Variants in ADAM11 observed in about 807,000 individuals in gnomAD.
ADAM11 encodes the protein ADAM metallopeptidase domain 11.
ADAM11 carries 49 observed loss-of-function variants against 119.1 expected under a neutral mutation model. The observed-to-expected ratio is 0.41, with a 90% CI of 0.33 to 0.52. The LOEUF (loss-of-function observed/expected upper bound fraction) is 0.52, where lower values mean the gene tolerates loss of function less well. Ranked by LOEUF, ADAM11 falls within the 20% of genes least tolerant of loss-of-function variation. The probability of loss-of-function intolerance (pLI) is 0.20; values close to 1 mark genes in which losing one functional copy is unlikely to be tolerated. For synonymous variants in ADAM11, 364 were observed against 408.0 expected (o/e 0.89, Z 1.30); for missense variants, 777 against 1,047.5 (o/e 0.74, Z 3.56).
At position 44,777,446 on chromosome 17, in the gene ADAM11, A is replaced by C. The variant is rs1262129675; in HGVS notation, c.1782-36A>C. ...GAGTTCAGTAGTTGAGTCTGAGGTC[A>C]AACTTGGGGCTCACTGTCTCTATAT... On this transcript the variant is annotated intron_variant, in intron 21 of 26. Transcript: ENST00000200557. This position sits in a 1 kb window ranked among gnomAD's most constrained non-coding sequence, Gnocchi z 5.1. 5 of 1,608,426 alleles carry C rather than the reference A, an allele frequency of 3.1e-6. No homozygotes were observed. Among genetic ancestry groups the C allele is most frequent in the Non-Finnish European group, 4.3e-6 (5 of 1,175,234 alleles).
chr17:44,776,889 G>T lies in ADAM11; in HGVS notation c.1618-10G>T. 6.2e-7 allele frequency: 1 copy of T among 1,613,510 alleles called. No homozygotes were observed. Among genetic ancestry groups the T allele is most frequent in the Non-Finnish European group, 8.5e-7 (1 of 1,179,512 alleles). On this transcript the variant is annotated splice_polypyrimidine_tract_variant and intron_variant, in intron 19 of 26. Coordinates refer to ENST00000200557, the MANE Select transcript of ADAM11 (RefSeq NM_002390.6). This position sits in a 1 kb window ranked among gnomAD's most constrained non-coding sequence, Gnocchi z 5.2. ...CTCCATCCCTTGCCTCTTAATTCTT[G>T]GACTCTCAGGGCCGCTGCTACGGAG...
intron 25 of ADAM11, 149 bp from the exon 26 acceptor site, chr17:44,779,073 C>A: frequency 1.0e-6 from 1 of 989,420 alleles, no homozygotes; most frequent in Non-Finnish European, 1.5e-6. Flanking sequence ...GGTAATTCTC[C>A]CTGGCCCTTA....
rs957589811 is a variant in ADAM11, at chr17:44,775,562, C to G, written c.1393-22C>G. The G allele has an allele frequency of 6.4e-7, 1 of 1,561,002 alleles. No homozygotes were observed. Among genetic ancestry groups the G allele is most frequent in the African/African-American group, 1.4e-5 (1 of 73,854 alleles). ...AGGATTAGGGCTCGCCCGCCTCCTT[C>G]CCCTCCTCCCGCGTCCCTCAGGAGT... On this transcript the variant is annotated intron_variant, in intron 16 of 26. Coordinates refer to ENST00000200557, the MANE Select transcript of ADAM11 (RefSeq NM_002390.6). This position sits in a 1 kb window ranked among gnomAD's most constrained non-coding sequence, Gnocchi z 7.5.
rs1439794244 is a variant in ADAM11, at chr17:44,780,787, G to A, written c.*1033G>A. 1 of 154,834 alleles carries A rather than the reference G, an allele frequency of 6.5e-6. No individual in the cohort carries two copies. Among genetic ancestry groups the A allele is most frequent in the Non-Finnish European group, 1.4e-5 (1 of 69,892 alleles). The allele number at this position is 154,834 out of a possible 1,614,324, so 9.6% of individuals were successfully genotyped here. On this transcript the variant is annotated 3_prime_UTR_variant, in exon 27 of 27. Transcript: ENST00000200557. ...GGATATGCAAGAGGAAGTAGGAAAG[G>A]GAGGTCTCATGGATGATCCTAGGCT... is the stretch of plus-strand genomic sequence containing the variant.
At chr17:44,769,448 C>T (rs1435641163) in intron 2 of ADAM11, among the ~76,000 whole-genome samples, 2 of 152,250 alleles carry the variant, frequency 1.3e-5, no homozygotes, top group Non-Finnish European at 2.9e-5. Context: ...GCAGCCCAGC[C>T]CCAGAGAGGA....
chr17:44,770,711 T>G (rs1339944497), intron 4 of ADAM11, among the ~76,000 whole-genome samples: 7 of 152,112 alleles, frequency 4.6e-5, no homozygotes, highest in Non-Finnish European at 1.0e-4. Flanking sequence ...GAGTACATGA[T>G]TAAATGAGGT....
At chr17:44,759,460 C>A in intron 1 of ADAM11, 200 bp downstream of exon 1, 1 of 1,247,480 alleles carries the variant, frequency 8.0e-7, no homozygotes, top group Non-Finnish European at 1.0e-6. Flanking sequence ...GCGTCCCTGC[C>A]CCTGCCGCCG....
chr17:44,773,234 C>A lies in ADAM11; in HGVS notation c.826-27C>A, dbSNP rs753006439. 3 of 1,610,624 alleles carry A rather than the reference C, an allele frequency of 1.9e-6. No homozygotes were observed. Among genetic ancestry groups the A allele is most frequent in the Non-Finnish European group, 2.5e-6 (3 of 1,177,418 alleles). On this transcript the variant is annotated intron_variant, in intron 10 of 26. Coordinates refer to ENST00000200557, the MANE Select transcript of ADAM11 (RefSeq NM_002390.6). This position sits in a 1 kb window ranked among gnomAD's most constrained non-coding sequence, Gnocchi z 4.6. ...CCCTGGCCCCAACACCCACTCCCAC[C>A]CTCCAGCCCCCTCATCTTCTCCCCA...
At chr17:44,770,071 G>A (rs370271507) in intron 4 of ADAM11, 23 bp downstream of exon 4, 292 of 1,612,530 alleles carry the variant, frequency 1.8e-4, no homozygotes, top group East Asian at 8.2e-4. Flanking sequence ...GCAGGGGACC[G>A]GGGCCGGGGA....
chr17:44,767,528 C>T (rs1416375239), intron 2 of ADAM11, among the ~76,000 whole-genome samples: 1 of 152,046 alleles, frequency 6.6e-6, no homozygotes, highest in Non-Finnish European at 1.5e-5. Context: ...AGACCAGGGA[C>T]AGGGTTGTGT....
chr17:44,775,517 C>G lies in ADAM11; in HGVS notation c.1392+52C>G. The G allele has an allele frequency of 6.3e-7, 1 of 1,576,560 alleles. No homozygotes were observed. The highest frequency in any genetic ancestry group is 8.6e-7 in the Non-Finnish European group (1 of 1,164,960). On this transcript the variant is annotated intron_variant, in intron 16 of 26. Transcript: ENST00000200557. This position sits in a 1 kb window ranked among gnomAD's most constrained non-coding sequence, Gnocchi z 7.5. ...GGGAACCGGGATGCGGGGGTGGGCACGAGGGAGCGTCTGAGTGGGAGGATT... is the reference window on the plus strand; with the variant it reads ...GGGAACCGGGATGCGGGGGTGGGCAGGAGGGAGCGTCTGAGTGGGAGGATT...
chr17:44,766,609 G>C (rs2049454355), intron 2 of ADAM11, among the ~76,000 whole-genome samples: 1 of 152,178 alleles, frequency 6.6e-6, no homozygotes, highest in Non-Finnish European at 1.5e-5. Context: ...CACCTCCCCA[G>C]CCACCCAGCC....
Position 44,772,783 on chromosome 17 carries a change from G to A in ADAM11, c.679-74G>A. The A allele has an allele frequency of 7.1e-7, 1 of 1,407,852 alleles. No homozygotes were observed. Among genetic ancestry groups the A allele is most frequent in the Non-Finnish European group, 1.0e-6 (1 of 1,003,336 alleles). The allele number at this position is 1,407,852 out of a possible 1,614,324, so 87.2% of individuals were successfully genotyped here. ...GTCCAGACCCCCCCATCCCCACCGA[G>A]TCTGTTCCTGGCTTGGCCATGAGAT... On this transcript the variant is annotated intron_variant, in intron 8 of 26. Transcript: ENST00000200557. The surrounding 1 kb of genome is among the most constrained non-coding windows in gnomAD (Gnocchi z 4.5).
chr17:44,774,485 C>G lies in ADAM11; in HGVS notation c.1078-7C>G. The G allele has an allele frequency of 6.2e-7, 1 of 1,612,394 alleles. No homozygotes were observed. Among genetic ancestry groups the G allele is most frequent in the South Asian group, 1.1e-5 (1 of 90,902 alleles). ...AGACATCTGTGCCCCATCTTCCCCA[C>G]CCCCAGTACGGCAACATGGGGGCGA... On this transcript the variant is annotated splice_polypyrimidine_tract_variant and splice_region_variant and intron_variant, in intron 12 of 26. Coordinates refer to ENST00000200557, the MANE Select transcript of ADAM11 (RefSeq NM_002390.6).
chr17:44,775,518 G>T lies in ADAM11; in HGVS notation c.1392+53G>T. The T allele has an allele frequency of 6.3e-7, 1 of 1,576,342 alleles. No homozygotes were observed. Among genetic ancestry groups the T allele is most frequent in the Non-Finnish European group, 8.6e-7 (1 of 1,164,784 alleles). ...GGAACCGGGATGCGGGGGTGGGCAC[G>T]AGGGAGCGTCTGAGTGGGAGGATTA... On this transcript the variant is annotated intron_variant, in intron 16 of 26. Coordinates refer to ENST00000200557, the MANE Select transcript of ADAM11 (RefSeq NM_002390.6). The surrounding 1 kb of genome is among the most constrained non-coding windows in gnomAD (Gnocchi z 7.5).
At position 44,780,562 on chromosome 17, in the gene ADAM11, G is replaced by C. The variant is rs943706268; in HGVS notation, c.*808G>C. On this transcript the variant is annotated 3_prime_UTR_variant, in exon 27 of 27. Transcript: ENST00000200557. The stretch of plus-strand genomic sequence containing the variant: ...CACATGGATTTTGGCAGGGCGGGGG[G>C]GGTTCTAGAAAATATAGTTCCTATA... 176 of 195,436 alleles carry C rather than the reference G, an allele frequency of 9.0e-4. 3 individuals carry two copies. The highest frequency in any genetic ancestry group is 2.0e-4 in the Non-Finnish European group (19 of 96,456). 12.1% of individuals were successfully genotyped at this position (195,436 alleles called of 1,614,324 possible).
chr17:44,775,641 A>C lies in ADAM11; in HGVS notation c.1450A>C (p.Met484Leu). 1.3e-6 allele frequency: 2 copies of C among 1,592,174 alleles called. No homozygotes were observed. The highest frequency in any genetic ancestry group is 1.7e-6 in the Non-Finnish European group (2 of 1,170,644). Reference sequence around the variant, plus strand: ...GAAATGCACCCTGACTCACGACGCCATGTGCAGCGACGGGCTCTGCTGTCG... The same window carrying C: ...GAAATGCACCCTGACTCACGACGCCCTGTGCAGCGACGGGCTCTGCTGTCG... The part of the protein sequence containing the change: ...CKKCTLTHDA[M>L]CSDGLCCRRC... Residue 484 changes from methionine (M) to leucine (L), a missense_variant, in exon 17 of 27, where the codon ATG becomes CTG. Around this residue, in one of 4 missense-constraint regions of ADAM11, gnomAD observed 348 missense variants for 486.7 expected, o/e 0.72. Transcript: ENST00000200557. This position sits in a 1 kb window ranked among gnomAD's most constrained non-coding sequence, Gnocchi z 7.5.
chr17:44,759,839 G>C lies in ADAM11; in HGVS notation c.179G>C (p.Gly60Ala). Residue 60 changes from glycine (G) to alanine (A), a missense_variant, in exon 2 of 27, where the codon GGA becomes GCA. By Grantham distance (60) the Gly-to-Ala change is moderately conservative. Transcript: ENST00000200557. ...CGTCTGGTTAGGGAGAGCTCCGGGG[G>C]AGAGGTCCGAAAGCAGCAGCTGGAC... ...PSRLVRESSG[G>A]EVRKQQLDTR... 1 of 1,314,926 alleles carries C rather than the reference G, an allele frequency of 7.6e-7. No individual in the cohort carries two copies. The highest frequency in any genetic ancestry group is 9.8e-7 in the Non-Finnish European group (1 of 1,023,680). The allele number at this position is 1,314,926 out of a possible 1,614,324, so 81.5% of individuals were successfully genotyped here.
chr17:44,759,495 C>G, intron 1 of ADAM11: 5 of 1,243,296 alleles, frequency 4.0e-6, no homozygotes, highest in Non-Finnish European at 5.0e-6. Flanking sequence ...CAGGTCTCTG[C>G]GGGTTTGGGC....
Sources: gnomAD v4.1 joint callset for allele counts (sites outside exome capture counted in the v4.1 genomes callset) on GRCh38, gnomAD v4.1.1 for gene constraint, gnomAD v4.1.1 regional missense constraint, Gnocchi (gnomAD v3.1) non-coding constraint, MANE v1.5 for transcripts, NCBI Gene and HGNC (gene_info 2026-07-23, HGNC 2026-07-21) for gene names.